Variants in PTPRD observed in about 807,000 individuals in gnomAD.
PTPRD encodes receptor-type tyrosine-protein phosphatase delta.
In PTPRD, 34 loss-of-function variants were observed where a neutral mutation model predicts 214.5. The observed-to-expected ratio is 0.16, with a 90% CI of 0.12 to 0.21. The LOEUF (loss-of-function observed/expected upper bound fraction) is 0.21. Among genes scored for constraint, PTPRD ranks in the 10% least tolerant of loss-of-function variants. The probability of loss-of-function intolerance (pLI) is 1.00; values close to 1 mark genes in which losing one functional copy is unlikely to be tolerated. For synonymous variants in PTPRD, 1,128 were observed against 845.7 expected (o/e 1.33, Z -5.79); for missense variants, 2,545 against 2,398.7 (o/e 1.06, Z -1.27).
At chr9:8,360,639 T>G (rs550297406) in intron 39 of PTPRD, among the ~76,000 whole-genome samples, 1 of 152,316 alleles carries the variant, frequency 6.6e-6, no homozygotes, top group South Asian at 2.1e-4. Context: ...TAATAAATAT[T>G]TACTGGTTAT....
intron 37 of PTPRD, among the ~76,000 whole-genome samples, chr9:8,385,099 C>T (rs947386438): frequency 1.6e-4 from 24 of 152,328 alleles, no homozygotes; most frequent in African/African-American, 5.5e-4. Context: ...GATCAGTTCT[C>T]AAAACAGATG....
intron 10 of PTPRD, among the ~76,000 whole-genome samples, chr9:9,052,995 G>A (rs757468334): frequency 6.6e-6 from 1 of 152,112 alleles, no homozygotes; most frequent in Non-Finnish European, 1.5e-5. Context: ...AATGTCCTCT[G>A]AAGTAGTTTT....
At chr9:8,619,220 C>T (rs2095727914) in intron 14 of PTPRD, among the ~76,000 whole-genome samples, 1 of 151,976 alleles carries the variant, frequency 6.6e-6, no homozygotes, top group African/African-American at 2.4e-5. Flanking sequence ...ACTTTGTACC[C>T]ATTCTCTTAG....
intron 11 of PTPRD, among the ~76,000 whole-genome samples, chr9:8,754,205 T>C (rs887102937): frequency 8.5e-5 from 13 of 152,342 alleles, no homozygotes; most frequent in Admixed American, 8.5e-4. Flanking sequence ...ATGAATTCAC[T>C]GTAATCCCAA....
chr9:8,832,410 C>CTCT (rs2097314219), intron 11 of PTPRD, among the ~76,000 whole-genome samples: 1 of 127,970 alleles, frequency 7.8e-6, no homozygotes, highest in Non-Finnish European at 1.6e-5. Flanking sequence ...CTAAAATCAT[C>CTCT]TTTTTTTTTT....
At chr9:8,784,929 G>C (rs369826980) in intron 11 of PTPRD, among the ~76,000 whole-genome samples, 1 of 152,104 alleles carries the variant, frequency 6.6e-6, no homozygotes, top group African/African-American at 2.4e-5. Context: ...CAACTTCCAT[G>C]ATAAGGTCAA....
intron 3 of PTPRD, among the ~76,000 whole-genome samples, chr9:10,175,253 G>C (rs959137182): frequency 5.3e-5 from 8 of 151,856 alleles, no homozygotes; most frequent in Non-Finnish European, 8.8e-5. Flanking sequence ...CTCTTCCCTT[G>C]AAAAACTAAT....
chr9:10,349,577 G>A (rs1355243506), intron 2 of PTPRD, among the ~76,000 whole-genome samples: 2 of 152,066 alleles, frequency 1.3e-5, no homozygotes, highest in Non-Finnish European at 2.9e-5. Flanking sequence ...TTTTTAGAGT[G>A]TCATTTGAAT....
At chr9:8,480,135 T>C (rs947818197) in intron 30 of PTPRD, among the ~76,000 whole-genome samples, 10 of 152,186 alleles carry the variant, frequency 6.6e-5, no homozygotes, top group Admixed American at 5.2e-4. Flanking sequence ...ACAGTGTGTA[T>C]AGAATATATA....
rs185074471 is a variant in PTPRD, at chr9:10,103,326, T to G, written c.-544-69536A>C. ...TTCTTCCTAAAACCAGGAGGTAAGA[T>G]AGACATTGACAAGATTATTGCCATT... On this transcript the variant is annotated intron_variant, in intron 3 of 45. Coordinates refer to ENST00000381196, the MANE Select transcript of PTPRD (RefSeq NM_002839.4). 3.8e-3 allele frequency among the ~76,000 whole-genome samples: 564 copies of G among 147,412 alleles called. 1 individual carries two copies. Among genetic ancestry groups the G allele is most frequent in the Non-Finnish European group, 5.4e-3 (360 of 66,980 alleles).
At chr9:9,821,768 A>G (rs1220396535) in intron 5 of PTPRD, among the ~76,000 whole-genome samples, 1 of 151,856 alleles carries the variant, frequency 6.6e-6, no homozygotes, top group Non-Finnish European at 1.5e-5. Flanking sequence ...ACATTGGCCA[A>G]TACCACATAG....
At chr9:8,732,005 A>G (rs1253141072) in intron 12 of PTPRD, among the ~76,000 whole-genome samples, 2 of 152,200 alleles carry the variant, frequency 1.3e-5, no homozygotes, top group Non-Finnish European at 2.9e-5. Context: ...AGCATGATAA[A>G]TATCTTAACT....
intron 14 of PTPRD, among the ~76,000 whole-genome samples, chr9:8,618,328 T>A (rs975237303): frequency 1.6e-4 from 24 of 152,128 alleles, no homozygotes; most frequent in African/African-American, 2.4e-4. Context: ...GAAGACCACA[T>A]AGGTAAAGGG....
chr9:9,573,068 A>T (rs749422104), intron 8 of PTPRD, among the ~76,000 whole-genome samples: 1 of 151,696 alleles, frequency 6.6e-6, no homozygotes, highest in Non-Finnish European at 1.5e-5. Flanking sequence ...AATCAACACT[A>T]TTGATAAAGC....
intron 12 of PTPRD, among the ~76,000 whole-genome samples, chr9:8,702,636 CAG>C (rs1234266313): frequency 3.9e-5 from 6 of 152,180 alleles, no homozygotes. Context: ...TTCTTTTAGA[CAG>C]AGTCTTGCTA....
rs77409382 is a variant in PTPRD at position 8,562,057 on chromosome 9, G to A, written c.353-33278C>T. On this transcript the variant is annotated intron_variant, in intron 14 of 45. Transcript: ENST00000381196. ...ATATCAATTGGAAATGCTGTTAAAC[G>A]GAAACAAATGTAACTGATACATTTG... Among the ~76,000 whole-genome samples the A allele has an allele frequency of 2.3e-3, 348 of 152,164 alleles. 1 individual carries two copies. The highest frequency in any genetic ancestry group is 7.6e-3 in the African/African-American group (317 of 41,524).
At chr9:10,606,883 T>A (rs2079549042) in intron 2 of PTPRD, among the ~76,000 whole-genome samples, 1 of 151,956 alleles carries the variant, frequency 6.6e-6, no homozygotes, top group Non-Finnish European at 1.5e-5. Context: ...TCTAATATGA[T>A]GAATGCATTG....
intron 8 of PTPRD, among the ~76,000 whole-genome samples, chr9:9,489,354 T>A (rs1362001288): frequency 2.0e-5 from 3 of 152,058 alleles, no homozygotes; most frequent in Admixed American, 6.6e-5. Flanking sequence ...TGCAAAGCTT[T>A]CAACAAATAA....
chr9:8,847,718 C>T (rs2097726245), intron 11 of PTPRD, among the ~76,000 whole-genome samples: 1 of 149,890 alleles, frequency 6.7e-6, no homozygotes, highest in African/African-American at 2.5e-5. Flanking sequence ...GACTTACAGA[C>T]AAGGAGAAGA....
Sources: gnomAD v4.1 joint callset for allele counts (sites outside exome capture counted in the v4.1 genomes callset) on GRCh38, gnomAD v4.1.1 for gene constraint, MANE v1.5 for transcripts, NCBI Gene and HGNC (gene_info 2026-07-23, HGNC 2026-07-21) for gene names.